Variants in RELN observed in about 807,000 individuals in gnomAD.
The protein encoded by RELN is reelin.
In RELN, 108 loss-of-function variants were observed where a neutral mutation model predicts 427.6. The ratio of observed to expected loss-of-function variants is 0.25; its 90% confidence interval spans 0.22 to 0.30. RELN has a LOEUF of 0.30. Ranked by LOEUF, RELN falls within the 10% of genes least tolerant of loss-of-function variation. RELN has a pLI of 1.00. For synonymous variants in RELN, 1,524 were observed against 1,513.4 expected (o/e 1.01, Z -0.16); for missense variants, 3,715 against 4,302.8 (o/e 0.86, Z 3.82).
chr7:103,715,187 A>C (rs568784456), intron 8 of RELN, among the ~76,000 whole-genome samples: 4 of 152,358 alleles, frequency 2.6e-5, no homozygotes, highest in African/African-American at 9.6e-5. Flanking sequence ...ATAATATGCA[A>C]GCAAAATTTT....
At chr7:103,944,131 A>G (rs2116744172) in intron 1 of RELN, among the ~76,000 whole-genome samples, 1 of 152,288 alleles carries the variant, frequency 6.6e-6, no homozygotes, top group African/African-American at 2.4e-5. Context: ...AATGGAGAAA[A>G]AACTGTGGCA....
intron 44 of RELN, chr7:103,539,624 C>T: frequency 2.3e-6 from 1 of 435,436 alleles, no homozygotes; most frequent in South Asian, 2.2e-5. Flanking sequence ...CAAAATTTGG[C>T]TTATGTGTGA....
intron 20 of RELN, 149 bp downstream of exon 20, chr7:103,629,791 C>A: frequency 1.4e-6 from 1 of 696,094 alleles, no homozygotes. Flanking sequence ...ATACTTGTAA[C>A]AACCTGAAAA....
At chr7:103,842,051 T>C (rs1016832926) in intron 2 of RELN, among the ~76,000 whole-genome samples, 6 of 152,152 alleles carry the variant, frequency 3.9e-5, no homozygotes, top group Admixed American at 1.3e-4. Flanking sequence ...AATGATACAA[T>C]TGTAAAAGAA....
At chr7:103,505,818 T>C (rs1163698672) in intron 51 of RELN, among the ~76,000 whole-genome samples, 1 of 152,140 alleles carries the variant, frequency 6.6e-6, no homozygotes, top group Non-Finnish European at 1.5e-5. Context: ...TCTAACCCAA[T>C]GCAAGGAAGC....
rs367603781 is a variant in RELN at position 103,792,371 on chromosome 7, C to T, written c.474-15744G>A. Among the ~76,000 whole-genome samples the T allele has an allele frequency of 3.5e-4, 54 of 152,136 alleles. 2 individuals are homozygous for T. In the East Asian group the frequency reaches 8.5e-3, roughly 24 times the overall value. ...TAAAATGTGGTATATATCCATACAA[C>T]GGAATATTATTCAACCATAAATGGA... On this transcript the variant is annotated intron_variant, in intron 3 of 64. Transcript: ENST00000428762.
At chr7:103,681,967 T>C (rs774191027) in intron 11 of RELN, 149 bp downstream of exon 11, 6 of 775,292 alleles carry the variant, frequency 7.7e-6, no homozygotes, top group Non-Finnish European at 1.4e-5. Flanking sequence ...ATCTTTAGGG[T>C]AAGTGCACCC....
At position 103,697,964 on chromosome 7, in the gene RELN, G is replaced by A. The variant is rs765460597; in HGVS notation, c.1032C>T (p.Ala344=). ...RVGEVYEACW[A]LDNILIINSA... is the part of the protein sequence containing the mutation. ...AATTGATGATCAAGATGTTATCTAAGGCCCAGCAGGCTTCATACACTTCAC... is the reference window on the plus strand; with the variant it reads ...AATTGATGATCAAGATGTTATCTAAAGCCCAGCAGGCTTCATACACTTCAC... Residue 344 remains alanine (A), a synonymous_variant, in exon 10 of 65, where the codon GCC becomes GCT. Coordinates refer to ENST00000428762, the MANE Select transcript of RELN (RefSeq NM_005045.4). 2 of 1,613,582 alleles carry A rather than the reference G, an allele frequency of 1.2e-6. No homozygotes were observed. Among genetic ancestry groups the A allele is most frequent in the African/African-American group, 2.7e-5 (2 of 74,860 alleles).
At chr7:103,521,990 C>T (rs1829718471) in intron 48 of RELN, 32 bp downstream of exon 48, 12 of 1,610,520 alleles carry the variant, frequency 7.5e-6, no homozygotes, top group Non-Finnish European at 1.0e-5. Flanking sequence ...TTAAGAAGAG[C>T]AGAAATGAGT....
At position 103,989,528 on chromosome 7, in the gene RELN, G is replaced by C. The variant is rs1797182514; in HGVS notation, c.-172C>G. Reference sequence around the variant, plus strand: ...GGGCCCCCGCCGAGAAGTTCCGCGGGAGACGGCGGCTCCCAAAGTTACTTT... The same window carrying C: ...GGGCCCCCGCCGAGAAGTTCCGCGGCAGACGGCGGCTCCCAAAGTTACTTT... On this transcript the variant is annotated 5_prime_UTR_variant, in exon 1 of 65. Transcript: ENST00000428762. The surrounding 1 kb of genome is among the most constrained non-coding windows in gnomAD (Gnocchi z 4.9). 1 of 518,830 alleles carries C rather than the reference G, an allele frequency of 1.9e-6. No individual in the cohort carries two copies. The highest frequency in any genetic ancestry group is 3.1e-6 in the Non-Finnish European group (1 of 327,600). The allele number at this position is 518,830 out of a possible 1,614,324, so 32.1% of individuals were successfully genotyped here. A position where few individuals can be genotyped will look rare whatever the true frequency, so the allele number is the denominator to read the frequency against.
In RELN at chr7:103,961,918, G is replaced by A. The variant is rs149859816; in HGVS notation, c.226+27213C>T. Among the ~76,000 whole-genome samples, 303 of 152,254 alleles carry A rather than the reference G, an allele frequency of 2.0e-3. 2 individuals carry two copies. Among genetic ancestry groups the A allele is most frequent in the African/African-American group, 6.8e-3 (284 of 41,548 alleles). On this transcript the variant is annotated intron_variant, in intron 1 of 64. Transcript: ENST00000428762. ...ATTCAGAGTTTTCCAAACTCCATTG[G>A]AAGGTCTTTCTGTCTCATCACCAAC... is the stretch of plus-strand genomic sequence containing the variant.
At chr7:103,761,620 T>A (rs80274243) in intron 4 of RELN, among the ~76,000 whole-genome samples, 1 of 146,274 alleles carries the variant, frequency 6.8e-6, no homozygotes, top group African/African-American at 2.7e-5. Flanking sequence ...GACCAGTAAA[T>A]TTTTTTTTGG....
chr7:103,780,221 C>T (rs1209708628), intron 3 of RELN, among the ~76,000 whole-genome samples: 1 of 152,190 alleles, frequency 6.6e-6, no homozygotes, highest in African/African-American at 2.4e-5. Flanking sequence ...CCTTCTCCCA[C>T]AGTGTTCTGT....
chr7:103,948,588 G>A (rs911650982), intron 1 of RELN, among the ~76,000 whole-genome samples: 11 of 151,874 alleles, frequency 7.2e-5, no homozygotes, highest in Admixed American at 5.9e-4. Context: ...CAGGAGAATT[G>A]CTTGAACCCG....
At chr7:103,766,103 GC>G (rs1385376297) in intron 4 of RELN, among the ~76,000 whole-genome samples, 4 of 152,120 alleles carry the variant, frequency 2.6e-5, no homozygotes, top group Non-Finnish European at 5.9e-5. Context: ...TTAGTGTGTC[GC>G]TTTGTTGGGT....
chr7:103,586,416 C>A (rs892335109), intron 28 of RELN, among the ~76,000 whole-genome samples: 1 of 151,920 alleles, frequency 6.6e-6, no homozygotes, highest in Non-Finnish European at 1.5e-5. Context: ...AAACCCACAG[C>A]CAACATTATA....
rs67744980 is a variant in RELN at position 103,620,475 on chromosome 7, A to AT, written c.2703-8673dup. Among the ~76,000 whole-genome samples, 407 of 137,878 alleles carry AT rather than the reference A, an allele frequency of 3.0e-3. 2 individuals carry two copies. Among genetic ancestry groups the AT allele is most frequent in the Non-Finnish European group, 4.1e-3 (263 of 63,882 alleles). 90.5% of individuals were successfully genotyped at this position (137,878 alleles called of 152,430 possible). A position where few individuals can be genotyped will look rare whatever the true frequency, so the allele number is the denominator to read the frequency against. On this transcript the variant is annotated intron_variant, in intron 20 of 64. Coordinates refer to ENST00000428762, the MANE Select transcript of RELN (RefSeq NM_005045.4). The surrounding 1 kb of genome is among the most constrained non-coding windows in gnomAD (Gnocchi z 4.1). ...GTTGAAGATAACTCACCCGATCCAC[A>AT]TTTTTTTTTTTTTTTTGAGATAGAG...
chr7:103,650,257 C>T lies in RELN; in HGVS notation c.2002+17G>A. ...CTACATCAATGGCATGTGATTATGA[C>T]AGGCATAAACACTAACCATTATCAA... On this transcript the variant is annotated intron_variant, in intron 16 of 64. Coordinates refer to ENST00000428762, the MANE Select transcript of RELN (RefSeq NM_005045.4). 7.1e-7 allele frequency: 1 copy of T among 1,410,040 alleles called. No individual in the cohort carries two copies. Among genetic ancestry groups the T allele is most frequent in the South Asian group, 1.1e-5 (1 of 87,014 alleles). The allele number at this position is 1,410,040 out of a possible 1,614,324, so 87.3% of individuals were successfully genotyped here.
intron 15 of RELN, among the ~76,000 whole-genome samples, chr7:103,651,064 T>C (rs6977616): frequency 0.38 from 57,996 of 151,860 alleles, 11,101 homozygotes; most frequent in South Asian, 0.43. Flanking sequence ...CAATTATTTT[T>C]ATTTTTTGTT....
Sources: allele counts gnomAD v4.1 joint callset (sites outside exome capture counted in the v4.1 genomes callset), GRCh38; gene constraint gnomAD v4.1.1; non-coding constraint Gnocchi (gnomAD v3.1); transcripts MANE v1.5; gene names NCBI Gene and HGNC (gene_info 2026-07-23, HGNC 2026-07-21).